DDX5: variants seen among roughly 807,000 people sequenced by gnomAD.
DDX5 encodes DEAD-box helicase 5.
In DDX5, 6 loss-of-function variants were observed where a neutral mutation model predicts 68.6. The observed-to-expected ratio is 0.09, with a 90% confidence interval of 0.05 to 0.17. DDX5 has a LOEUF of 0.17. Among genes scored for constraint, DDX5 ranks in the 10% least tolerant of loss-of-function variants. The pLI, the probability that DDX5 is intolerant of heterozygous loss-of-function variation, is 1.00. For missense variants in DDX5, 499 were observed against 756.1 expected (o/e 0.66, Z 3.99); for synonymous variants, 350 against 247.0 (o/e 1.42, Z -3.91).
intron 1 of DDX5, chr17:64,505,717 C>T (rs972349992): frequency 5.9e-6 from 9 of 1,535,394 alleles, no homozygotes; most frequent in Admixed American, 3.9e-5. Context: ...TGCCCGGCCA[C>T]CCCAAAAACA....
chr17:64,502,567 A>T lies in DDX5; in HGVS notation c.984-18T>A. 6.4e-7 allele frequency: 1 copy of T among 1,566,940 alleles called. No individual in the cohort carries two copies. Among genetic ancestry groups the T allele is most frequent in the Non-Finnish European group, 8.8e-7 (1 of 1,141,542 alleles). On this transcript the variant is annotated intron_variant, in intron 8 of 12. Coordinates refer to ENST00000225792, the MANE Select transcript of DDX5 (RefSeq NM_004396.5). ...GAATAAGTCTAATAATAGGAGAGAG[A>T]AAGGAAAAATCCTGAGTTTTAAAAG...
At chr17:64,504,489 C>G (rs1328113362) in intron 2 of DDX5, 171 bp from the exon 3 acceptor site, 9 of 922,040 alleles carry the variant, frequency 9.8e-6, no homozygotes, top group Non-Finnish European at 1.4e-5. Flanking sequence ...TATTGTTATA[C>G]TCAACCTAAT....
At position 64,504,109 on chromosome 17, in the gene DDX5, G is replaced by A. The variant is rs370151429; in HGVS notation, c.315C>T (p.Val105=). The stretch of plus-strand genomic sequence containing the variant: ...AATTCTGTCTTGCAATAACATCCAT[G>A]ACATTTGCTATAATTAGTAACAGAT... ...NFYEANFPAN[V]MDVIARQNFT... Residue 105 remains valine (V), a synonymous_variant, in exon 4 of 13, where the codon GTC becomes GTT. Transcript: ENST00000225792. 101 of 1,613,898 alleles carry A rather than the reference G, an allele frequency of 6.3e-5. 1 individual carries two copies. The highest frequency in any genetic ancestry group is 7.4e-5 in the Non-Finnish European group (87 of 1,179,946).
In DDX5 at chr17:64,506,213, G is replaced by A. The variant is rs1473461370; in HGVS notation, c.-94C>T. ...GCCTCGATGACGGCGAAGCCTTGCG[G>A]GGGCGGCAGCGGAGGAAGGACACCG... On this transcript the variant is annotated 5_prime_UTR_variant, in exon 1 of 13. Transcript: ENST00000225792. 6 of 1,562,190 alleles carry A rather than the reference G, an allele frequency of 3.8e-6. No homozygotes were observed. The East Asian group carries it at 1.2e-4, about 31-fold the overall frequency.
In DDX5 at chr17:64,505,610, A is replaced by G; in HGVS notation, c.44+466T>C. On this transcript the variant is annotated intron_variant, in intron 1 of 12. Coordinates refer to ENST00000225792, the MANE Select transcript of DDX5 (RefSeq NM_004396.5). Reference sequence around the variant, plus strand: ...CGCCGCCGCCATGTCCGAGGCCGGCATTTTGTACTCGCGACTCAGCCACAT... The same window carrying G: ...CGCCGCCGCCATGTCCGAGGCCGGCGTTTTGTACTCGCGACTCAGCCACAT... 8 of 948,436 alleles carry G rather than the reference A, an allele frequency of 8.4e-6. No individual in the cohort carries two copies. The South Asian group carries it at 1.1e-4, about 13-fold the overall frequency. The allele number at this position is 948,436 out of a possible 1,614,324, so 58.8% of individuals were successfully genotyped here.
rs1031166063 is a variant in DDX5 at position 64,505,984 on chromosome 17, G to A, written c.44+92C>T. 16 of 1,542,386 alleles carry A rather than the reference G, an allele frequency of 1.0e-5. 1 individual carries two copies. The highest frequency in any genetic ancestry group is 4.9e-5 in the East Asian group (2 of 40,894). Reference sequence around the variant, plus strand: ...TCCCAAGATAGCCCGGAAAGGCCAAGTCCAAGCCGCAAAGCCCCCGCCGGC... The same window carrying A: ...TCCCAAGATAGCCCGGAAAGGCCAAATCCAAGCCGCAAAGCCCCCGCCGGC... On this transcript the variant is annotated intron_variant, in intron 1 of 12. Coordinates refer to ENST00000225792, the MANE Select transcript of DDX5 (RefSeq NM_004396.5).
At chr17:64,502,857 A>G (rs782286216) in intron 8 of DDX5, 69 bp downstream of exon 8, 30 of 1,442,692 alleles carry the variant, frequency 2.1e-5, no homozygotes, top group Non-Finnish European at 2.7e-5. Context: ...ACAACTCACC[A>G]AACAATGATC....
Position 64,504,232 on chromosome 17 carries a change from G to A in DDX5, c.297C>T (p.Ala99=). ...AAAAGTAGCACTTACCAGGGAAATT[G>A]GCTTCATAAAAATTTAGAACTGGCT... ...CPKPVLNFYE[A]NFPANVMDVI... is the part of the protein sequence containing the mutation. The change falls in exon 3 of 13, where the codon GCC becomes GCT. Residue 99 remains alanine (A), a synonymous_variant. Coordinates refer to ENST00000225792, the MANE Select transcript of DDX5 (RefSeq NM_004396.5). 6.2e-7 allele frequency: 1 copy of A among 1,614,022 alleles called. No homozygotes were observed. The highest frequency in any genetic ancestry group is 8.5e-7 in the Non-Finnish European group (1 of 1,179,930).
chr17:64,500,382 G>C (rs1453006247), intron 12 of DDX5, 56 bp from the exon 13 acceptor site: 3 of 1,557,916 alleles, frequency 1.9e-6, no homozygotes, highest in East Asian at 4.5e-5. Context: ...AAATCATTGT[G>C]GACAGAAAGA....
At chr17:64,504,475 AATTT>A (rs2038376052) in intron 2 of DDX5, 157 bp from the exon 3 acceptor site, 2 of 926,112 alleles carry the variant, frequency 2.2e-6, no homozygotes, top group Non-Finnish European at 3.2e-6. Context: ...TGAAAAAAAA[AATTT>A]ATTGTTATAC....
Position 64,503,453 on chromosome 17 carries a change from G to T in DDX5, c.626C>A (p.Pro209Gln), listed in dbSNP as rs782226364. The change falls in exon 6 of 13, where the codon CCA becomes CAA. Residue 209 changes from proline (P) to glutamine (Q), a missense_variant. Physicochemically the swap from Pro to Gln is moderately conservative, Grantham distance 76 (BLOSUM62 -1). Transcript: ENST00000225792. ...ACCTCTCTCCAAATCACGTATTTGT[G>T]GTCCCTTAGGAGCACCACCGTAGAT... ...TCIYGGAPKG[P>Q]QIRDLERGVE... 4.3e-6 allele frequency: 7 copies of T among 1,613,972 alleles called. No individual in the cohort carries two copies. The highest frequency in any genetic ancestry group is 4.2e-6 in the Non-Finnish European group (5 of 1,180,008).
Position 64,506,219 on chromosome 17 carries a change from G to C in DDX5, c.-100C>G, listed in dbSNP as rs1266807160. The C allele has an allele frequency of 1.9e-6, 3 of 1,558,294 alleles. No homozygotes were observed. The highest frequency in any genetic ancestry group is 1.4e-5 in the African/African-American group (1 of 73,696). On this transcript the variant is annotated 5_prime_UTR_variant, in exon 1 of 13. Transcript: ENST00000225792. ...ATGACGGCGAAGCCTTGCGGGGGCG[G>C]CAGCGGAGGAAGGACACCGATGACA...
chr17:64,506,033 TC>T lies in DDX5; in HGVS notation c.44+42del, dbSNP rs782680356. On this transcript the variant is annotated intron_variant, in intron 1 of 12. Coordinates refer to ENST00000225792, the MANE Select transcript of DDX5 (RefSeq NM_004396.5). Reference sequence around the variant, plus strand: ...GCCGCCACCCTGACCCGCCCTCCCATCCCCCCACCCGCCAGGCCTGACAGCT... The same window carrying T: ...GCCGCCACCCTGACCCGCCCTCCCATCCCCCACCCGCCAGGCCTGACAGCT... 6.4e-6 allele frequency: 3 copies of T among 465,844 alleles called. No homozygotes were observed. The East Asian group carries it at 2.4e-4, about 37-fold the overall frequency. 28.9% of individuals were successfully genotyped at this position (465,844 alleles called of 1,614,324 possible).
upstream of DDX5, chr17:64,506,783 C>T (rs900487570): frequency 4.1e-5 from 22 of 534,330 alleles, no homozygotes; most frequent in Non-Finnish European, 5.0e-5. Context: ...ACCCCGGGAC[C>T]CGCCCGGGCT....
At chr17:64,506,020 ACCCGCCCTCCC>A in intron 1 of DDX5, 45 bp downstream of exon 1, 1 of 868,084 alleles carries the variant, frequency 1.2e-6, no homozygotes, top group Non-Finnish European at 1.7e-6. Flanking sequence ...CGCCACCCTG[ACCCGCCCTCCC>A]ATCCCCCCAC....
At chr17:64,500,923 G>A (rs2038282285) in intron 11 of DDX5, 150 bp from the exon 12 acceptor site, 3 of 625,868 alleles carry the variant, frequency 4.8e-6, no homozygotes, top group East Asian at 2.7e-5. Flanking sequence ...ATTTCCTGTA[G>A]GAATACCATT....
At chr17:64,504,625 CTA>C in intron 2 of DDX5, 50 bp downstream of exon 2, 1 of 1,542,744 alleles carries the variant, frequency 6.5e-7, no homozygotes, top group Non-Finnish European at 8.7e-7. Context: ...ATTTCATTTA[CTA>C]GAATCCACGA....
Position 64,500,190 on chromosome 17 carries a change from A to C in DDX5, c.1578T>G (p.Phe526Leu), listed in dbSNP as rs1204911864. The change falls in exon 13 of 13, where the codon TTT becomes TTG. Residue 526 changes from phenylalanine (F) to leucine (L), a missense_variant. By Grantham distance (22) the Phe-to-Leu change is conservative. Transcript: ENST00000225792. ...AAACACCATTCTGAGTTTTTGCCCC[A>C]AAATCTCTTTTAAGCAGGCTAGAGT... ...RGYSSLLKRD[F>L]GAKTQNGVYS... The C allele has an allele frequency of 1.2e-6, 2 of 1,614,038 alleles. No individual in the cohort carries two copies. Among genetic ancestry groups the C allele is most frequent in the African/African-American group, 1.3e-5 (1 of 74,912 alleles).
chr17:64,506,461 G>T, upstream of DDX5: 1 of 1,236,770 alleles, frequency 8.1e-7, no homozygotes, highest in Non-Finnish European at 1.1e-6. Context: ...ACTCTCTCAG[G>T]TCAGGGCCCA....
Sources: allele counts gnomAD v4.1 joint callset, GRCh38; gene constraint gnomAD v4.1.1; transcripts MANE v1.5; gene names NCBI Gene and HGNC (gene_info 2026-07-23, HGNC 2026-07-21).